The following KTN1 variants were observed in gnomAD, a reference collection of about 807,000 sequenced individuals.
KTN1 encodes the protein kinectin.
In KTN1, 130 loss-of-function variants were observed where a neutral mutation model predicts 222.5. The observed-to-expected ratio is 0.58, with a 90% CI of 0.51 to 0.68. The LOEUF (loss-of-function observed/expected upper bound fraction) is 0.68. Among genes scored for constraint, KTN1 ranks in the 30% least tolerant of loss-of-function variants. KTN1 has a pLI of 0.00. For synonymous variants in KTN1, 512 were observed against 496.3 expected, an observed-to-expected ratio of 1.03 and a Z score of -0.42; for missense variants, 1,508 against 1,500.4, an observed-to-expected ratio of 1.01 and a Z score of -0.08.
chr14:55,582,306 C>T (rs1324231940), intron 1 of KTN1, among the ~76,000 whole-genome samples: 3 of 152,156 alleles, frequency 2.0e-5, no homozygotes, highest in Admixed American at 2.0e-4. Context: ...TGCCTCACTT[C>T]AGTCTCCCTT....
chr14:55,646,962 T>A lies in KTN1; in HGVS notation c.2173-11T>A. 1 of 1,507,204 alleles carries A rather than the reference T, an allele frequency of 6.6e-7. No homozygotes were observed. Among genetic ancestry groups the A allele is most frequent in the Non-Finnish European group, 9.2e-7 (1 of 1,087,758 alleles). The allele number at this position is 1,507,204 out of a possible 1,614,324, so 93.4% of individuals were successfully genotyped here. On this transcript the variant is annotated splice_polypyrimidine_tract_variant and intron_variant, in intron 18 of 43. Transcript: ENST00000395314. Reference sequence around the variant, plus strand: ...GTAAAGTTAAACTTTTTTTGGTGATTTTTATTTTAGCCTAATAAGGATGTT... The same window carrying A: ...GTAAAGTTAAACTTTTTTTGGTGATATTTATTTTAGCCTAATAAGGATGTT...
intron 18 of KTN1, chr14:55,644,209 G>C (rs541709872): frequency 2.0e-6 from 1 of 492,236 alleles, no homozygotes. Context: ...GAAAAGATTG[G>C]TATAATCTTA....
Position 55,658,566 on chromosome 14 carries a change from ATTGT to A in KTN1, c.2916_2919del (p.Phe973SerfsTer25). ...ATTAGGATGTACAAGATGAAAACAA[ATTGT>A]TTAAGTCCCAAATTGAGCAGCTTAA... On this transcript the variant is annotated frameshift_variant, in exon 30 of 44. Coordinates refer to ENST00000395314, the MANE Select transcript of KTN1 (RefSeq NM_001079521.2). LOFTEE classifies it high-confidence loss of function. 1.9e-6 allele frequency: 3 copies of A among 1,598,344 alleles called. No individual in the cohort carries two copies. The highest frequency in any genetic ancestry group is 2.6e-6 in the Non-Finnish European group (3 of 1,167,030).
At chr14:55,676,323 ATTTC>A (rs1191796955) in intron 41 of KTN1, among the ~76,000 whole-genome samples, 25 of 152,132 alleles carry the variant, frequency 1.6e-4, no homozygotes, top group Middle Eastern at 6.8e-3. Flanking sequence ...TCCTTCATTT[ATTTC>A]TTCATACAAA....
At chr14:55,599,496 G>A (rs779165035) in intron 1 of KTN1, among the ~76,000 whole-genome samples, 6 of 151,358 alleles carry the variant, frequency 4.0e-5, no homozygotes, top group South Asian at 2.1e-4. Flanking sequence ...ACAGAGTCTC[G>A]TTCTGTTGCC....
At chr14:55,670,705 G>A (rs774938216) in intron 34 of KTN1, 24 bp from the exon 35 acceptor site, 10 of 1,484,372 alleles carry the variant, frequency 6.7e-6, no homozygotes, top group Admixed American at 5.9e-5. Context: ...GGAAATTAAT[G>A]ATTTTAACTT....
At chr14:55,671,502 C>A in intron 35 of KTN1, 64 bp from the exon 36 acceptor site, 1 of 1,231,288 alleles carries the variant, frequency 8.1e-7, no homozygotes, top group Non-Finnish European at 1.2e-6. Flanking sequence ...AGTACTAAAA[C>A]AAACTTGAAG....
intron 23 of KTN1, 21 bp downstream of exon 23, chr14:55,650,439 G>A: frequency 1.3e-6 from 2 of 1,575,690 alleles, no homozygotes; most frequent in East Asian, 2.2e-5. Context: ...ACAGAGAACT[G>A]TGTTTTATGT....
At chr14:55,582,609 TTTC>T (rs2031954421) in intron 1 of KTN1, among the ~76,000 whole-genome samples, 1 of 152,134 alleles carries the variant, frequency 6.6e-6, no homozygotes, top group Non-Finnish European at 1.5e-5. Context: ...TGTAAGTTAA[TTTC>T]TTAACTTGAA....
At chr14:55,679,443 T>A (rs1342563265) in intron 42 of KTN1, 122 bp from the exon 43 acceptor site, 20 of 793,108 alleles carry the variant, frequency 2.5e-5, no homozygotes, top group Non-Finnish European at 3.6e-5. Context: ...TTGATTTTCA[T>A]GTCATTGTTC....
intron 17 of KTN1, 109 bp downstream of exon 17, chr14:55,641,317 G>A: frequency 1.6e-6 from 1 of 637,852 alleles, no homozygotes; most frequent in Non-Finnish European, 2.7e-6. Flanking sequence ...CTGAAACAGT[G>A]TTTCTGTAGT....
At chr14:55,641,434 C>T (rs2041794125) in intron 17 of KTN1, among the ~76,000 whole-genome samples, 1 of 152,032 alleles carries the variant, frequency 6.6e-6, no homozygotes, top group South Asian at 2.1e-4. Context: ...CCAATCTTTT[C>T]TCAGCTGATA....
chr14:55,640,812 A>G (rs993624231), intron 15 of KTN1, 121 bp from the exon 16 acceptor site: 19 of 752,510 alleles, frequency 2.5e-5, no homozygotes, highest in Non-Finnish European at 4.0e-5. Context: ...AGAAATATAC[A>G]GTATTGCTGT....
intron 28 of KTN1, among the ~76,000 whole-genome samples, chr14:55,655,128 A>G (rs560503429): frequency 2.1e-4 from 32 of 152,178 alleles, no homozygotes; most frequent in African/African-American, 6.5e-4. Context: ...AGCTGGGACT[A>G]CAGGCACATG....
chr14:55,589,110 G>A (rs1471906647), intron 1 of KTN1, among the ~76,000 whole-genome samples: 2 of 152,076 alleles, frequency 1.3e-5, no homozygotes, highest in Non-Finnish European at 2.9e-5. Flanking sequence ...GAGGTTTTGG[G>A]GAGAAAAGAA....
intron 1 of KTN1, among the ~76,000 whole-genome samples, chr14:55,581,492 T>A (rs2031630979): frequency 6.6e-6 from 1 of 151,346 alleles, no homozygotes; most frequent in South Asian, 2.1e-4. Flanking sequence ...GTGGAAAGCC[T>A]TGAGTAAAGA....
chr14:55,676,129 C>T (rs1320844421), intron 41 of KTN1, among the ~76,000 whole-genome samples: 3 of 152,134 alleles, frequency 2.0e-5, no homozygotes, highest in African/African-American at 7.2e-5. Context: ...ATTATTTCCT[C>T]ACATTTCTAT....
chr14:55,591,143 C>T (rs1051849980), intron 1 of KTN1, among the ~76,000 whole-genome samples: 1 of 152,024 alleles, frequency 6.6e-6, no homozygotes, highest in Non-Finnish European at 1.5e-5. Context: ...ATTTGTTGCA[C>T]TTGTGTCTCT....
Position 55,652,393 on chromosome 14 carries a change from CTTT to C in KTN1, c.2604-436_2604-434del, listed in dbSNP as rs769501863. ...TGATTGTCTCCAAAATCTTAAATGC[CTTT>C]TTTTTTTTTTTTTTTTTTTTGAGAT... On this transcript the variant is annotated intron_variant, in intron 25 of 43. Coordinates refer to ENST00000395314, the MANE Select transcript of KTN1 (RefSeq NM_001079521.2). 7.7e-3 allele frequency among the ~76,000 whole-genome samples: 907 copies of C among 117,232 alleles called. 3 individuals carry two copies. Among genetic ancestry groups the C allele is most frequent in the African/African-American group, 0.026 (791 of 30,620 alleles). The allele number at this position is 117,232 out of a possible 152,430, so 76.9% of individuals were successfully genotyped here. A position where few individuals can be genotyped will look rare whatever the true frequency, so the allele number is the denominator to read the frequency against.
Sources: allele counts gnomAD v4.1 joint callset (sites outside exome capture counted in the v4.1 genomes callset), GRCh38; gene constraint gnomAD v4.1.1; transcripts MANE v1.5; gene names NCBI Gene and HGNC (gene_info 2026-07-23, HGNC 2026-07-21).